CLXN: variants seen among roughly 807,000 people sequenced by gnomAD.
CLXN encodes calaxin.
At chr8:48,718,953 A>G in the CLXN span, among the ~76,000 whole-genome samples, 1 of 152,072 alleles carries the variant, frequency 6.6e-6, no homozygotes, top group Admixed American at 6.5e-5. Flanking sequence ...AATAAAGATA[A>G]AAGCAGAAAT....
At chr8:48,727,213 CTCAT>C in the CLXN span, among the ~76,000 whole-genome samples, 1 of 53,278 alleles carries the variant, frequency 1.9e-5, no homozygotes, top group Non-Finnish European at 3.6e-5. Flanking sequence ...CATCTATCCA[CTCAT>C]CCATCCATCC....
At chr8:48,724,514 T>C in the CLXN span, 2 of 379,770 alleles carry the variant, frequency 5.3e-6, no homozygotes, top group Non-Finnish European at 9.4e-6. Flanking sequence ...AAAACATCTG[T>C]AGAAAAGTTA....
chr8:48,728,447 G>T, the CLXN span, among the ~76,000 whole-genome samples: 4 of 152,010 alleles, frequency 2.6e-5, no homozygotes, highest in East Asian at 7.7e-4. Flanking sequence ...CTGTTTAGAT[G>T]ACCTCTTCTC....
the CLXN span, among the ~76,000 whole-genome samples, chr8:48,713,465 G>A: frequency 6.6e-6 from 1 of 152,182 alleles, no homozygotes; most frequent in African/African-American, 2.4e-5. Context: ...GGGAGCTACA[G>A]AGCAGCTCAA....
chr8:48,730,566 C>A, the CLXN span: 1 of 1,610,318 alleles, frequency 6.2e-7, no homozygotes. Flanking sequence ...CAAAGATCCT[C>A]GAAGAAACAG....
the CLXN span, among the ~76,000 whole-genome samples, chr8:48,732,569 T>C: frequency 6.6e-6 from 1 of 152,190 alleles, no homozygotes; most frequent in Non-Finnish European, 1.5e-5. Flanking sequence ...AACAGTATGA[T>C]AGCTCCTCAT....
At chr8:48,712,030 C>A in the CLXN span, among the ~76,000 whole-genome samples, 3 of 152,098 alleles carry the variant, frequency 2.0e-5, no homozygotes, top group African/African-American at 4.8e-5. Context: ...TAATTTATTC[C>A]ATTTTCTGAC....
chr8:48,735,281 G>C, the CLXN span: 2 of 1,042,694 alleles, frequency 1.9e-6, no homozygotes, highest in Non-Finnish European at 2.9e-6. Context: ...TCTCGTGCGC[G>C]GCCCTAACAG....
At chr8:48,726,222 C>T in the CLXN span, among the ~76,000 whole-genome samples, 1 of 140,900 alleles carries the variant, frequency 7.1e-6, no homozygotes, top group Non-Finnish European at 1.5e-5. Flanking sequence ...CTCCCATTCA[C>T]TTCATCCATC....
the CLXN span, chr8:48,715,268 T>C: frequency 1.3e-5 from 2 of 152,170 alleles, no homozygotes; most frequent in East Asian, 3.8e-4. Flanking sequence ...AGCAGGCAAG[T>C]AATATCAACA....
chr8:48,725,704 T>C, the CLXN span, among the ~76,000 whole-genome samples: 4 of 152,008 alleles, frequency 2.6e-5, no homozygotes, highest in African/African-American at 4.8e-5. Flanking sequence ...GTCGGGAGGC[T>C]GAGGCAGGAG....
At chr8:48,711,169 C>T in the CLXN span, 1 of 152,164 alleles carries the variant, frequency 6.6e-6, no homozygotes, top group East Asian at 1.9e-4. Flanking sequence ...TGGAAAGCAC[C>T]ACATTATAAT....
the CLXN span, among the ~76,000 whole-genome samples, chr8:48,720,050 T>C: frequency 6.6e-6 from 1 of 152,260 alleles, no homozygotes; most frequent in Non-Finnish European, 1.5e-5. Context: ...AATACTTTTA[T>C]AATTTCTTAT....
the CLXN span, chr8:48,731,537 C>A: frequency 8.5e-6 from 13 of 1,533,592 alleles, no homozygotes; most frequent in South Asian, 1.3e-4. Flanking sequence ...CAAAAATGAA[C>A]CCTTAATCTT....
At chr8:48,735,042 C>T in the CLXN span, 1 of 1,605,444 alleles carries the variant, frequency 6.2e-7, no homozygotes, top group Non-Finnish European at 8.5e-7. Context: ...CGGGGTGGGA[C>T]CCAGGCTCGG....
the CLXN span, chr8:48,715,308 G>A: frequency 6.6e-6 from 1 of 152,160 alleles, no homozygotes; most frequent in African/African-American, 2.4e-5. Context: ...CCCAGCTCTT[G>A]TCTCCCCAAC....
the CLXN span, among the ~76,000 whole-genome samples, chr8:48,717,645 A>ACTGTAGTAT: frequency 6.6e-6 from 1 of 152,222 alleles, no homozygotes; most frequent in African/African-American, 2.4e-5. Flanking sequence ...ATAATGCAAC[A>ACTGTAGTAT]CTGTAGTATG....
At chr8:48,724,767 T>G in the CLXN span, 1 of 1,612,056 alleles carries the variant, frequency 6.2e-7, no homozygotes, top group Non-Finnish European at 8.5e-7. Flanking sequence ...TTCATTTGGA[T>G]CTTTGAATAC....
the CLXN span, among the ~76,000 whole-genome samples, chr8:48,725,561 T>A: frequency 3.9e-5 from 6 of 152,144 alleles, no homozygotes; most frequent in African/African-American, 1.4e-4. Context: ...CCCAGCACTT[T>A]AGGAAGCCGA....
Sources: allele counts gnomAD v4.1 joint callset (sites outside exome capture counted in the v4.1 genomes callset), GRCh38; gene constraint gnomAD v4.1.1; transcripts MANE v1.5; gene names NCBI Gene and HGNC (gene_info 2026-07-23, HGNC 2026-07-21).